Variants in XYLT1 observed in about 807,000 individuals in gnomAD.
The protein encoded by XYLT1 is beta-D-xylosyltransferase 1.
XYLT1 carries 36 observed loss-of-function variants against 91.3 expected under a neutral mutation model. The observed-to-expected ratio is 0.39, with a 90% confidence interval of 0.30 to 0.52. The LOEUF (loss-of-function observed/expected upper bound fraction) is 0.52. Among genes scored for constraint, XYLT1 ranks in the 20% least tolerant of loss-of-function variants. The pLI is 0.68. For synonymous variants in XYLT1, 588 were observed against 532.0 expected, an observed-to-expected ratio of 1.11 and a Z score of -1.45; for missense variants, 1,242 against 1,284.5, an observed-to-expected ratio of 0.97 and a Z score of 0.51.
At chr16:17,152,382 G>T (rs527407131) in intron 6 of XYLT1, among the ~76,000 whole-genome samples, 7 of 152,352 alleles carry the variant, frequency 4.6e-5, no homozygotes, top group African/African-American at 1.4e-4. Flanking sequence ...CATGCAAACA[G>T]TCATGAACGC....
chr16:17,290,877 A>G (rs1250740191), intron 2 of XYLT1, among the ~76,000 whole-genome samples: 1 of 152,192 alleles, frequency 6.6e-6, no homozygotes, highest in Non-Finnish European at 1.5e-5. Flanking sequence ...GGGTGGATCA[A>G]CACCCTGGCT....
At chr16:17,234,385 T>G (rs2033213677) in intron 3 of XYLT1, among the ~76,000 whole-genome samples, 1 of 152,230 alleles carries the variant, frequency 6.6e-6, no homozygotes. Context: ...CATCTTTGCC[T>G]TTCCGATGAG....
chr16:17,202,404 T>C lies in XYLT1; in HGVS notation c.914-1750A>G, dbSNP rs370597947. Among the ~76,000 whole-genome samples, 8 of 152,342 alleles carry C rather than the reference T, an allele frequency of 5.3e-5. No homozygotes were observed. In the South Asian group the frequency reaches 1.0e-3, roughly 20 times the overall value. On this transcript the variant is annotated intron_variant, in intron 3 of 11. Coordinates refer to ENST00000261381, the MANE Select transcript of XYLT1 (RefSeq NM_022166.4). ...GACGTAGATAATATCCAAATCACAC[T>C]ACACAGCCTCTATGGCTGGTGTGAT... is the stretch of plus-strand genomic sequence containing the variant.
At chr16:17,217,963 A>ATAAT in intron 3 of XYLT1, among the ~76,000 whole-genome samples, 2 of 151,902 alleles carry the variant, frequency 1.3e-5, no homozygotes, top group South Asian at 4.2e-4. Flanking sequence ...ATAATAAAAA[A>ATAAT]AAAAAAAGAC....
At chr16:17,128,252 T>C (rs1027703153) in intron 9 of XYLT1, among the ~76,000 whole-genome samples, 6 of 152,154 alleles carry the variant, frequency 3.9e-5, no homozygotes, top group African/African-American at 1.4e-4. Context: ...TAAATACTAT[T>C]TGCATAAATA....
intron 5 of XYLT1, among the ~76,000 whole-genome samples, chr16:17,171,547 T>C (rs1326589702): frequency 6.6e-6 from 1 of 152,266 alleles, no homozygotes; most frequent in Non-Finnish European, 1.5e-5. Flanking sequence ...GTTACTTGTT[T>C]ATCTCAGAGG....
intron 1 of XYLT1, among the ~76,000 whole-genome samples, chr16:17,413,801 A>G (rs1282652407): frequency 6.6e-6 from 1 of 152,096 alleles, no homozygotes; most frequent in Non-Finnish European, 1.5e-5. Flanking sequence ...CCGTTCTTAG[A>G]GATAGCAAAG....
chr16:17,141,299 G>A lies in XYLT1; in HGVS notation c.1441C>T (p.Arg481Trp), dbSNP rs587777366. 1.2e-6 allele frequency: 2 copies of A among 1,614,130 alleles called. No homozygotes were observed. Among genetic ancestry groups the A allele is most frequent in the Non-Finnish European group, 1.7e-6 (2 of 1,180,024 alleles). The change falls in exon 7 of 12, where the codon CGG becomes TGG. Residue 481 changes from arginine (R) to tryptophan (W), a missense_variant. Physicochemically the swap from Arg to Trp is moderately radical, Grantham distance 101 (BLOSUM62 -3). Coordinates refer to ENST00000261381, the MANE Select transcript of XYLT1 (RefSeq NM_022166.4). Reference protein sequence around the residue: ...CDAHMWRLGDRRIPEGIAVDG... With the variant: ...CDAHMWRLGDWRIPEGIAVDG... ...ACGGCAATGCCCTCTGGGATCCGCC[G>A]ATCTCCCAGGCGCCACATGTGAGCG...
intron 1 of XYLT1, among the ~76,000 whole-genome samples, chr16:17,387,789 T>C (rs941219837): frequency 1.3e-5 from 2 of 152,174 alleles, no homozygotes; most frequent in Middle Eastern, 3.2e-3. Context: ...CCTAACCACG[T>C]AGGCTGGAAG....
chr16:17,450,535 C>T (rs1432619351), intron 1 of XYLT1, among the ~76,000 whole-genome samples: 5 of 152,102 alleles, frequency 3.3e-5, no homozygotes. Flanking sequence ...CATGTGCAAT[C>T]AGGGCACAGG....
chr16:17,277,718 A>AC (rs1449647662), intron 2 of XYLT1, among the ~76,000 whole-genome samples: 16 of 152,018 alleles, frequency 1.1e-4, no homozygotes, highest in African/African-American at 3.6e-4. Flanking sequence ...GTTCACGTGT[A>AC]CTCAATGTTT....
chr16:17,347,358 A>G (rs1433002812), intron 2 of XYLT1, among the ~76,000 whole-genome samples: 1 of 152,108 alleles, frequency 6.6e-6, no homozygotes, highest in Non-Finnish European at 1.5e-5. Context: ...CCACTGAAGA[A>G]TGCCTTTACC....
intron 1 of XYLT1, chr16:17,445,725 G>A (rs997328273): frequency 6.6e-6 from 1 of 152,194 alleles, no homozygotes; most frequent in Non-Finnish European, 1.5e-5. Flanking sequence ...CGTCACCAGC[G>A]GAGAAACAGC....
intron 1 of XYLT1, among the ~76,000 whole-genome samples, chr16:17,369,968 T>G (rs921120887): frequency 6.6e-6 from 1 of 152,126 alleles, no homozygotes; most frequent in African/African-American, 2.4e-5. Flanking sequence ...CTCCTTCTGT[T>G]CGGGGCAGCC....
At chr16:17,366,640 A>G (rs2035458294) in intron 1 of XYLT1, among the ~76,000 whole-genome samples, 1 of 152,214 alleles carries the variant, frequency 6.6e-6, no homozygotes, top group Non-Finnish European at 1.5e-5. Context: ...GGCTGCAGTG[A>G]GCCAAGATAG....
intron 1 of XYLT1, among the ~76,000 whole-genome samples, chr16:17,413,877 A>G (rs1331754610): frequency 6.6e-6 from 1 of 152,106 alleles, no homozygotes; most frequent in Non-Finnish European, 1.5e-5. Flanking sequence ...CCCCTCAGCC[A>G]TCACCATATC....
chr16:17,398,908 G>A (rs1406946364), intron 1 of XYLT1, among the ~76,000 whole-genome samples: 2 of 146,870 alleles, frequency 1.4e-5, no homozygotes, highest in African/African-American at 2.5e-5. Flanking sequence ...GCAGTGGCTC[G>A]ATCTCGGCTC....
intron 2 of XYLT1, among the ~76,000 whole-genome samples, chr16:17,298,813 T>C (rs1190201648): frequency 1.3e-5 from 2 of 152,080 alleles, no homozygotes; most frequent in African/African-American, 4.8e-5. Context: ...CGTCTGGATA[T>C]CCTCATGGTT....
intron 8 of XYLT1, among the ~76,000 whole-genome samples, chr16:17,136,501 T>TTAC (rs1171653794): frequency 6.6e-6 from 1 of 152,178 alleles, no homozygotes; most frequent in Non-Finnish European, 1.5e-5. Flanking sequence ...GCAGGTCAAG[T>TTAC]TACTCAAACT....
Sources: allele counts gnomAD v4.1 joint callset (sites outside exome capture counted in the v4.1 genomes callset), GRCh38; gene constraint gnomAD v4.1.1; transcripts MANE v1.5; gene names NCBI Gene and HGNC (gene_info 2026-07-23, HGNC 2026-07-21).